Variants in NEK6 observed in about 807,000 individuals in gnomAD.
NEK6 encodes NIMA related kinase 6.
A neutral mutation model predicts 43.5 loss-of-function variants in NEK6; 27 were observed. The observed-to-expected ratio is 0.62, with a 90% CI of 0.46 to 0.86. The LOEUF (loss-of-function observed/expected upper bound fraction) is 0.86, where lower values mean the gene tolerates loss of function less well. Among genes scored for constraint, NEK6 ranks in the 40% least tolerant of loss-of-function variants. The pLI is 0.00. For synonymous variants in NEK6, 167 were observed against 164.1 expected, an observed-to-expected ratio of 1.02 and a Z score of -0.14; for missense variants, 318 against 414.4, an observed-to-expected ratio of 0.77 and a Z score of 2.02.
In NEK6 at chr9:124,321,490, T is replaced by G. The variant is rs1271939785; in HGVS notation, c.326T>G (p.Leu109Trp). 2 of 1,614,010 alleles carry G rather than the reference T, an allele frequency of 1.2e-6. No individual in the cohort carries two copies. The highest frequency in any genetic ancestry group is 1.7e-6 in the Non-Finnish European group (2 of 1,179,852). Residue 109 changes from leucine (L) to tryptophan (W), a missense_variant, in exon 5 of 10, where the codon TTG becomes TGG. Physicochemically the swap from Leu to Trp is moderately conservative, Grantham distance 61 (BLOSUM62 -2). Coordinates refer to ENST00000320246, the MANE Select transcript of NEK6 (RefSeq NM_014397.6). The stretch of plus-strand genomic sequence containing the variant: ...AACCACCCAAATATCATCAAGTATT[T>G]GGACTCGTTTATCGAAGACAACGAG... ...QLNHPNIIKYLDSFIEDNELN... is the reference protein window; with the variant it reads ...QLNHPNIIKYWDSFIEDNELN...
At chr9:124,308,056 G>T (rs549014789) in intron 2 of NEK6, among the ~76,000 whole-genome samples, 4 of 152,210 alleles carry the variant, frequency 2.6e-5, no homozygotes, top group Non-Finnish European at 5.9e-5. Context: ...CTCTTCCAAG[G>T]GCTTGCATTT....
rs13467 is a variant in NEK6 at position 124,352,210 on chromosome 9, A to G, written c.*1263A>G. ...CCCTCCAGACAAGAGCAGCGCTGGC[A>G]TCGGGCAGGTGATTCCTGACACCTG... On this transcript the variant is annotated 3_prime_UTR_variant, in exon 10 of 10. Transcript: ENST00000320246. 10,281 of 152,668 alleles carry G rather than the reference A, an allele frequency of 0.067. 948 individuals carry two copies. The highest frequency in any genetic ancestry group is 0.45 in the East Asian group (2,343 of 5,160). The allele number at this position is 152,668 out of a possible 1,614,324, so 9.5% of individuals were successfully genotyped here. A position where few individuals can be genotyped will look rare whatever the true frequency, so the allele number is the denominator to read the frequency against.
intron 7 of NEK6, among the ~76,000 whole-genome samples, chr9:124,333,167 G>T (rs1278463654): frequency 6.6e-6 from 1 of 152,234 alleles, no homozygotes; most frequent in Non-Finnish European, 1.5e-5. Context: ...CAAGCTGGGG[G>T]TTTCTTTGAA....
intron 2 of NEK6, among the ~76,000 whole-genome samples, chr9:124,307,693 GC>G (rs1018579508): frequency 8.5e-5 from 13 of 152,302 alleles, no homozygotes; most frequent in African/African-American, 2.9e-4. Context: ...CTATGGTGTT[GC>G]CCCACAGCGC....
intron 7 of NEK6, among the ~76,000 whole-genome samples, chr9:124,330,434 G>A (rs1828918646): frequency 6.6e-6 from 1 of 152,128 alleles, no homozygotes; most frequent in African/African-American, 2.4e-5. Flanking sequence ...GAGCGGGCGG[G>A]CAGGCCTGGC....
chr9:124,297,377 T>C (rs1832743690), intron 1 of NEK6, among the ~76,000 whole-genome samples: 1 of 152,188 alleles, frequency 6.6e-6, no homozygotes, highest in South Asian at 2.1e-4. Context: ...AAGATCTGAC[T>C]GTTAGCCCAT....
intron 1 of NEK6, among the ~76,000 whole-genome samples, chr9:124,260,701 A>G (rs1457411442): frequency 6.6e-6 from 1 of 152,156 alleles, no homozygotes; most frequent in Non-Finnish European, 1.5e-5. Flanking sequence ...ATGCCCGGCC[A>G]TGTCCCCATT....
intron 7 of NEK6, among the ~76,000 whole-genome samples, 167 bp downstream of exon 7, chr9:124,327,612 C>CA (rs1834413217): frequency 6.6e-6 from 1 of 152,240 alleles, no homozygotes; most frequent in African/African-American, 2.4e-5. Context: ...AGAAGGGAAT[C>CA]AGCTGTGGCC....
intron 3 of NEK6, among the ~76,000 whole-genome samples, chr9:124,313,625 C>T (rs961112341): frequency 3.3e-5 from 5 of 152,156 alleles, no homozygotes; most frequent in South Asian, 4.1e-4. Flanking sequence ...ACCTCAGCCT[C>T]GCTGGGATTA....
chr9:124,314,766 C>T (rs754688804), intron 4 of NEK6, among the ~76,000 whole-genome samples: 1 of 152,120 alleles, frequency 6.6e-6, no homozygotes, highest in Non-Finnish European at 1.5e-5. Flanking sequence ...CTTCTCGGTT[C>T]AAGCAGTTCT....
At chr9:124,334,066 C>T (rs1829167187) in intron 7 of NEK6, among the ~76,000 whole-genome samples, 1 of 152,208 alleles carries the variant, frequency 6.6e-6, no homozygotes, top group South Asian at 2.1e-4. Flanking sequence ...CGTGAGCCAC[C>T]ACGCCCGGCC....
intron 1 of NEK6, among the ~76,000 whole-genome samples, chr9:124,281,565 A>T (rs1324206143): frequency 2.3e-5 from 3 of 129,262 alleles, no homozygotes; most frequent in African/African-American, 9.2e-5. Flanking sequence ...CAGTGGTGCG[A>T]TCCCAGCTCA....
At chr9:124,332,407 A>G (rs1829047878) in intron 7 of NEK6, among the ~76,000 whole-genome samples, 1 of 152,178 alleles carries the variant, frequency 6.6e-6, no homozygotes, top group African/African-American at 2.4e-5. Context: ...CGAGGCTGAG[A>G]GAGAGTTTCT....
chr9:124,336,253 GAAGA>G (rs201364902), intron 7 of NEK6, among the ~76,000 whole-genome samples: 5,093 of 152,078 alleles, frequency 0.033, 131 homozygotes, highest in Non-Finnish European at 0.051. Context: ...AAAAAAAGAA[GAAGA>G]AAGAAAAAAC....
intron 2 of NEK6, among the ~76,000 whole-genome samples, chr9:124,305,973 A>G (rs957239989): frequency 7.9e-5 from 12 of 152,220 alleles, no homozygotes; most frequent in Non-Finnish European, 1.6e-4. Flanking sequence ...GGAGCCCATT[A>G]TGGGTTTTCA....
intron 4 of NEK6, among the ~76,000 whole-genome samples, chr9:124,315,559 T>A (rs1833771764): frequency 3.3e-5 from 5 of 152,190 alleles, no homozygotes; most frequent in Admixed American, 3.3e-4. Flanking sequence ...TAAGTAATGG[T>A]CAGCTTGCTG....
At chr9:124,330,422 G>A (rs1021081668) in intron 7 of NEK6, among the ~76,000 whole-genome samples, 1 of 152,218 alleles carries the variant, frequency 6.6e-6, no homozygotes, top group Non-Finnish European at 1.5e-5. Context: ...ACGGGGCTGG[G>A]AGAGCGGGCG....
At chr9:124,297,153 G>A (rs1374606407) in intron 1 of NEK6, among the ~76,000 whole-genome samples, 1 of 152,228 alleles carries the variant, frequency 6.6e-6, no homozygotes, top group East Asian at 1.9e-4. Context: ...AACAGCCCCA[G>A]CTGTGTCATT....
chr9:124,275,640 C>T lies in NEK6; in HGVS notation c.-30+17555C>T, dbSNP rs934469867. On this transcript the variant is annotated intron_variant, in intron 1 of 9. Transcript: ENST00000320246. The surrounding 1 kb of genome is among the most constrained non-coding windows in gnomAD (Gnocchi z 4.4). ...CCCTTCTGCATCTTCCCCAACATGG[C>T]CCCCCACCCTGTGAGGCCCACTAAT... Among the ~76,000 whole-genome samples, 2 of 152,232 alleles carry T rather than the reference C, an allele frequency of 1.3e-5. No individual in the cohort carries two copies. Among genetic ancestry groups the T allele is most frequent in the African/African-American group, 2.4e-5 (1 of 41,470 alleles).
Sources: gnomAD v4.1 joint callset for allele counts (sites outside exome capture counted in the v4.1 genomes callset) on GRCh38, gnomAD v4.1.1 for gene constraint, Gnocchi (gnomAD v3.1) non-coding constraint, MANE v1.5 for transcripts, NCBI Gene and HGNC (gene_info 2026-07-23, HGNC 2026-07-21) for gene names.